The following SLC14A2 variants were observed in gnomAD, a reference collection of about 807,000 sequenced individuals.
The protein encoded by SLC14A2 is solute carrier family 14 member 2.
A neutral mutation model predicts 104.6 loss-of-function variants in SLC14A2; 91 were observed. That is an observed-to-expected ratio of 0.87 (90% CI 0.73 to 1.04). The LOEUF is 1.04. Ranked by LOEUF, SLC14A2 falls within the 50% of genes least tolerant of loss-of-function variation. SLC14A2 has a pLI of 0.00. For synonymous variants in SLC14A2, 476 were observed against 466.4 expected (o/e 1.02, Z -0.27); for missense variants, 1,189 against 1,156.0 (o/e 1.03, Z -0.41).
chr18:45,503,689 C>T (rs767425987), intron 2 of SLC14A2, among the ~76,000 whole-genome samples: 17 of 152,084 alleles, frequency 1.1e-4, no homozygotes, highest in Non-Finnish European at 1.6e-4. Flanking sequence ...GTGGGCAGAC[C>T]CTATTGATAG....
chr18:45,586,907 T>C (rs73953212), intron 2 of SLC14A2, among the ~76,000 whole-genome samples: 5,194 of 152,078 alleles, frequency 0.034, 287 homozygotes, highest in African/African-American at 0.12. Flanking sequence ...CCTTTCCCTA[T>C]CAATTTAAGA....
At chr18:45,572,383 T>C (rs1280086952) in intron 2 of SLC14A2, among the ~76,000 whole-genome samples, 1 of 152,112 alleles carries the variant, frequency 6.6e-6, no homozygotes, top group Non-Finnish European at 1.5e-5. Context: ...TCTCTTGGAG[T>C]TTCCAGGTTC....
At chr18:45,614,315 G>A (rs781163249), upstream of SLC14A2, among the ~76,000 whole-genome samples, 1 of 152,244 alleles carries the variant, frequency 6.6e-6, no homozygotes, top group African/African-American at 2.4e-5. Context: ...TGCTGCAGGG[G>A]TAGAGACCTC....
the SLC14A2 span, among the ~76,000 whole-genome samples, chr18:45,207,072 A>C: frequency 6.6e-6 from 1 of 152,164 alleles, no homozygotes; most frequent in African/African-American, 2.4e-5. Flanking sequence ...ACCTAATAGT[A>C]AACAACATGC....
At chr18:45,314,318 A>T (rs60473906) in intron 1 of SLC14A2, among the ~76,000 whole-genome samples, 1 of 152,214 alleles carries the variant, frequency 6.6e-6, no homozygotes, top group Non-Finnish European at 1.5e-5. Flanking sequence ...CTCCATAAAT[A>T]AGTAGTAAAC....
At chr18:45,239,386 C>T (rs968970531) in intron 1 of SLC14A2, among the ~76,000 whole-genome samples, 1 of 152,198 alleles carries the variant, frequency 6.6e-6, no homozygotes, top group Non-Finnish European at 1.5e-5. Context: ...TTGAGCTTTG[C>T]TTGCCATGTG....
Position 45,625,835 on chromosome 18 carries a change from C to A in SLC14A2, c.303C>A (p.Asp101Glu), listed in dbSNP as rs780080796. Residue 101 changes from aspartate (D) to glutamate (E), a missense_variant, in exon 3 of 20, where the codon GAC (aspartate) becomes GAA (glutamate). Coordinates refer to ENST00000255226, the MANE Select transcript of SLC14A2 (RefSeq NM_007163.4). ...AAGCAGTGGGCTACCTCACGGGCGA[C>A]ATGAAGGAGTACAGGATCTGGCTGA... ...LSKAVGYLTG[D>E]MKEYRIWLKD... 1.6e-5 allele frequency: 24 copies of A among 1,501,154 alleles called. No homozygotes were observed. The highest frequency in any genetic ancestry group is 2.1e-5 in the Non-Finnish European group (24 of 1,128,614). 93.0% of individuals were successfully genotyped at this position (1,501,154 alleles called of 1,614,324 possible). A position where few individuals can be genotyped will look rare whatever the true frequency, so the allele number is the denominator to read the frequency against.
chr18:45,370,617 A>G (rs1417314583), intron 1 of SLC14A2, among the ~76,000 whole-genome samples: 2 of 152,188 alleles, frequency 1.3e-5, no homozygotes, highest in Non-Finnish European at 2.9e-5. Flanking sequence ...GCAGGTTTGC[A>G]AAATAGCAGT....
rs2084630358 is a variant in SLC14A2, at chr18:45,269,671, T to G, written c.-125+56480T>G. ...CTCATAATTGCGCGTACTATGTGCT[T>G]CCCAATCTCTCACAAGCCACATATT... On this transcript the variant is annotated intron_variant, in intron 1 of 20. Transcript: ENST00000586448. Among the ~76,000 whole-genome samples the G allele has an allele frequency of 2.6e-5, 4 of 152,156 alleles. No homozygotes were observed. The South Asian group carries it at 8.3e-4, about 32-fold the overall frequency.
intron 1 of SLC14A2, among the ~76,000 whole-genome samples, chr18:45,376,638 C>A (rs1468486157): frequency 1.3e-5 from 2 of 152,100 alleles, no homozygotes; most frequent in African/African-American, 4.8e-5. Context: ...AAAGAGAGAT[C>A]ACTGCCAGAT....
At chr18:45,511,604 C>T (rs143307241) in intron 2 of SLC14A2, among the ~76,000 whole-genome samples, 5 of 152,230 alleles carry the variant, frequency 3.3e-5, no homozygotes, top group Admixed American at 1.3e-4. Flanking sequence ...AAAGTGAGCA[C>T]CTTGAAAGGT....
At chr18:45,256,716 C>G (rs532105543) in intron 1 of SLC14A2, among the ~76,000 whole-genome samples, 35 of 152,206 alleles carry the variant, frequency 2.3e-4, no homozygotes, top group Non-Finnish European at 4.1e-4. Context: ...TTGCTATCAC[C>G]AATTGATGAC....
chr18:45,593,103 G>A (rs1191249437), intron 2 of SLC14A2, among the ~76,000 whole-genome samples: 1 of 152,152 alleles, frequency 6.6e-6, no homozygotes, highest in African/African-American at 2.4e-5. Context: ...GGATCATGAG[G>A]TCAGGAGATC....
chr18:45,222,568 G>C (rs2084073532), intron 1 of SLC14A2, among the ~76,000 whole-genome samples: 1 of 152,080 alleles, frequency 6.6e-6, no homozygotes, highest in African/African-American at 2.4e-5. Flanking sequence ...GATTTACATA[G>C]GCAAAGATAA....
At chr18:45,346,045 G>T (rs2085444520) in intron 1 of SLC14A2, among the ~76,000 whole-genome samples, 1 of 152,168 alleles carries the variant, frequency 6.6e-6, no homozygotes, top group Non-Finnish European at 1.5e-5. Context: ...AGTTTAGTCT[G>T]CATTTCCCTG....
intron 1 of SLC14A2, among the ~76,000 whole-genome samples, chr18:45,225,667 T>A (rs1361098718): frequency 6.6e-6 from 1 of 152,190 alleles, no homozygotes; most frequent in Non-Finnish European, 1.5e-5. Context: ...TTTTATTTCG[T>A]TGAGCAGTGG....
At chr18:45,403,193 G>T (rs1259494842) in intron 1 of SLC14A2, among the ~76,000 whole-genome samples, 1 of 152,120 alleles carries the variant, frequency 6.6e-6, no homozygotes, top group Non-Finnish European at 1.5e-5. Context: ...CTGTGCATGA[G>T]GAGAGATAGA....
chr18:45,315,084 G>A (rs1449218756), intron 1 of SLC14A2, among the ~76,000 whole-genome samples: 2 of 152,248 alleles, frequency 1.3e-5, no homozygotes, highest in East Asian at 3.9e-4. Flanking sequence ...ACCCCAGAAG[G>A]CACTTCAATG....
intron 2 of SLC14A2, among the ~76,000 whole-genome samples, chr18:45,557,305 C>T (rs548428223): frequency 6.6e-6 from 1 of 152,328 alleles, no homozygotes; most frequent in Admixed American, 6.5e-5. Context: ...CAATAGGTTC[C>T]CTCTAGTCCC....
Sources: gnomAD v4.1 joint callset for allele counts (sites outside exome capture counted in the v4.1 genomes callset) on GRCh38, gnomAD v4.1.1 for gene constraint, MANE v1.5 for transcripts, NCBI Gene and HGNC (gene_info 2026-07-23, HGNC 2026-07-21) for gene names.